EXOC4: variants seen among roughly 807,000 people sequenced by gnomAD.
EXOC4 encodes SEC8-like 1.
EXOC4 carries 71 observed loss-of-function variants against 107.2 expected under a neutral mutation model. The observed-to-expected ratio is 0.66, with a 90% CI of 0.55 to 0.81. The LOEUF is 0.81. Ranked by LOEUF, EXOC4 falls within the 30% of genes least tolerant of loss-of-function variation. The pLI, the probability that EXOC4 is intolerant of heterozygous loss-of-function variation, is 0.00. For synonymous variants in EXOC4, 456 were observed against 441.2 expected (o/e 1.03, Z -0.42); for missense variants, 1,108 against 1,189.6 (o/e 0.93, Z 1.01).
chr7:134,096,056 G>A, the EXOC4 span, among the ~76,000 whole-genome samples: 1 of 152,142 alleles, frequency 6.6e-6, no homozygotes, highest in African/African-American at 2.4e-5. Flanking sequence ...TGCAAACTAT[G>A]CATCCAACAA....
At chr7:133,711,299 A>G (rs560601637) in intron 10 of EXOC4, among the ~76,000 whole-genome samples, 14 of 152,320 alleles carry the variant, frequency 9.2e-5, no homozygotes, top group East Asian at 3.9e-4. Context: ...AAACATTTCA[A>G]TTTGCTACCT....
At chr7:133,866,463 G>A (rs557958936) in intron 11 of EXOC4, among the ~76,000 whole-genome samples, 33 of 152,318 alleles carry the variant, frequency 2.2e-4, no homozygotes, top group Admixed American at 4.6e-4. Context: ...GAATATGGGG[G>A]AGGTAGCAAG....
At chr7:134,067,632 T>TACACACACACAC (rs1177750777), downstream of EXOC4, among the ~76,000 whole-genome samples, 934 of 98,440 alleles carry the variant, frequency 9.5e-3, 17 homozygotes, top group African/African-American at 0.024. Flanking sequence ...CTCTTATATA[T>TACACACACACAC]ATATATACAC....
chr7:133,713,595 T>A (rs1794939969), intron 10 of EXOC4, among the ~76,000 whole-genome samples: 1 of 152,186 alleles, frequency 6.6e-6, no homozygotes, highest in Non-Finnish European at 1.5e-5. Context: ...TACCCACATC[T>A]CCTCTTGGAT....
At chr7:133,823,843 T>TATTA (rs1277754160) in intron 11 of EXOC4, among the ~76,000 whole-genome samples, 1 of 18,718 alleles carries the variant, frequency 5.3e-5, no homozygotes, top group Admixed American at 7.4e-4. Flanking sequence ...TATATATATA[T>TATTA]TATATATATA....
At chr7:133,592,081 G>A (rs960933862) in intron 9 of EXOC4, among the ~76,000 whole-genome samples, 7 of 151,878 alleles carry the variant, frequency 4.6e-5, no homozygotes, top group African/African-American at 1.7e-4. Flanking sequence ...GTTTTTTTGA[G>A]ACAGAGTCTT....
At chr7:133,606,526 T>A (rs1389691750) in intron 9 of EXOC4, among the ~76,000 whole-genome samples, 1 of 143,564 alleles carries the variant, frequency 7.0e-6, no homozygotes, top group Non-Finnish European at 1.5e-5. Context: ...TATTTTTTTT[T>A]TTTTTTGAGG....
intron 10 of EXOC4, among the ~76,000 whole-genome samples, chr7:133,717,681 A>G (rs896253820): frequency 2.6e-5 from 4 of 152,248 alleles, no homozygotes; most frequent in Non-Finnish European, 5.9e-5. Flanking sequence ...ACTTACACAC[A>G]TACACACACA....
intron 14 of EXOC4, among the ~76,000 whole-genome samples, chr7:133,976,984 C>A: frequency 6.6e-6 from 1 of 152,198 alleles, no homozygotes; most frequent in Non-Finnish European, 1.5e-5. Flanking sequence ...TAGGTGGTTC[C>A]TTCTCAATTT....
At chr7:133,375,336 C>G (rs796069379) in intron 7 of EXOC4, among the ~76,000 whole-genome samples, 1 of 151,968 alleles carries the variant, frequency 6.6e-6, no homozygotes, top group African/African-American at 2.4e-5. Flanking sequence ...ATTAGCTGGG[C>G]GTGGTGGCGG....
At chr7:133,490,080 A>G (rs1287806236) in intron 9 of EXOC4, among the ~76,000 whole-genome samples, 2 of 152,154 alleles carry the variant, frequency 1.3e-5, no homozygotes, top group Non-Finnish European at 2.9e-5. Flanking sequence ...GAATGTGGTA[A>G]GTCCTCCTAG....
intron 13 of EXOC4, among the ~76,000 whole-genome samples, chr7:133,923,886 C>T (rs1241841885): frequency 6.6e-6 from 1 of 152,170 alleles, no homozygotes; most frequent in African/African-American, 2.4e-5. Flanking sequence ...TATTTTCCCC[C>T]TGCATCTGAT....
intron 9 of EXOC4, among the ~76,000 whole-genome samples, chr7:133,498,586 A>AAAAC (rs765151633): frequency 3.4e-4 from 52 of 152,220 alleles, no homozygotes; most frequent in Non-Finnish European, 2.4e-4. Flanking sequence ...CTCCGTCTCA[A>AAAAC]AAACAAACAA....
At chr7:133,789,638 T>C (rs917113881) in intron 10 of EXOC4, among the ~76,000 whole-genome samples, 8 of 152,198 alleles carry the variant, frequency 5.3e-5, no homozygotes, top group African/African-American at 1.4e-4. Context: ...CCTCAGTGAC[T>C]GTATTTGGTT....
At chr7:133,713,596 C>A (rs1267989123) in intron 10 of EXOC4, among the ~76,000 whole-genome samples, 1 of 152,136 alleles carries the variant, frequency 6.6e-6, no homozygotes, top group East Asian at 1.9e-4. Context: ...ACCCACATCT[C>A]CTCTTGGATT....
At chr7:133,800,029 AT>A (rs1796901655) in intron 10 of EXOC4, among the ~76,000 whole-genome samples, 1 of 149,464 alleles carries the variant, frequency 6.7e-6, no homozygotes, top group African/African-American at 2.5e-5. Flanking sequence ...CCATCCATCC[AT>A]CCATCCATCC....
chr7:134,029,168 T>C (rs1795211386), intron 17 of EXOC4, among the ~76,000 whole-genome samples: 1 of 152,220 alleles, frequency 6.6e-6, no homozygotes, highest in South Asian at 2.1e-4. Flanking sequence ...AATGTCTTCA[T>C]TGTCTGTTTA....
intron 14 of EXOC4, among the ~76,000 whole-genome samples, chr7:133,954,589 G>A (rs1800771383): frequency 6.6e-6 from 1 of 152,220 alleles, no homozygotes; most frequent in Non-Finnish European, 1.5e-5. Context: ...AAGAGGTTTG[G>A]AAATTGTTGT....
intron 7 of EXOC4, among the ~76,000 whole-genome samples, chr7:133,380,479 A>G (rs1231340663): frequency 3.3e-5 from 5 of 152,046 alleles, no homozygotes; most frequent in African/African-American, 7.2e-5. Context: ...CATCTATGCC[A>G]AAAGAAACCT....
Sources: allele counts gnomAD v4.1 joint callset (sites outside exome capture counted in the v4.1 genomes callset), GRCh38; gene constraint gnomAD v4.1.1; transcripts MANE v1.5; gene names NCBI Gene and HGNC (gene_info 2026-07-23, HGNC 2026-07-21).